Variants in DOCK10 observed in about 807,000 individuals in gnomAD.
The protein encoded by DOCK10 is dedicator of cytokinesis protein 10.
Under a neutral mutation model 280.1 loss-of-function variants are expected in DOCK10, and 145 were observed. The ratio of observed to expected loss-of-function variants is 0.52; its 90% CI spans 0.45 to 0.59. DOCK10 has a LOEUF of 0.59. Among genes scored for constraint, DOCK10 ranks in the 20% least tolerant of loss-of-function variants. The pLI is 0.00. For synonymous variants in DOCK10, 915 were observed against 942.2 expected (o/e 0.97, Z 0.53); for missense variants, 2,368 against 2,651.7 (o/e 0.89, Z 2.35).
At chr2:224,990,317 C>T (rs552046019) in intron 1 of DOCK10, among the ~76,000 whole-genome samples, 7 of 152,256 alleles carry the variant, frequency 4.6e-5, no homozygotes, top group South Asian at 4.2e-4. Context: ...TAGTATAGTG[C>T]GGCACTTAGG....
At chr2:225,033,937 C>G (rs1690154190) in intron 1 of DOCK10, among the ~76,000 whole-genome samples, 1 of 152,168 alleles carries the variant, frequency 6.6e-6, no homozygotes, top group Admixed American at 6.5e-5. Flanking sequence ...GTTTGCAAAG[C>G]TTAACTCACT....
intron 4 of DOCK10, among the ~76,000 whole-genome samples, chr2:224,888,219 C>CTGTGTGTG (rs113299591): frequency 4.3e-5 from 6 of 140,176 alleles, no homozygotes; most frequent in Non-Finnish European, 6.3e-5. Context: ...TAATATAGGC[C>CTGTGTGTG]TGTGTGTGTG....
chr2:224,915,683 C>CTTA (rs1446439737), intron 3 of DOCK10, among the ~76,000 whole-genome samples: 1 of 152,190 alleles, frequency 6.6e-6, no homozygotes, highest in Non-Finnish European at 1.5e-5. Flanking sequence ...CAAGACTGAA[C>CTTA]TTAGATTCCA....
At chr2:225,023,281 C>T (rs1449825054) in intron 1 of DOCK10, among the ~76,000 whole-genome samples, 1 of 152,098 alleles carries the variant, frequency 6.6e-6, no homozygotes, top group African/African-American at 2.4e-5. Context: ...GGTGATCTGC[C>T]CATCTTGGCC....
intron 1 of DOCK10, among the ~76,000 whole-genome samples, chr2:224,955,553 A>G (rs1357522625): frequency 6.6e-6 from 1 of 152,212 alleles, no homozygotes; most frequent in Non-Finnish European, 1.5e-5. Context: ...ATTTAATGGC[A>G]CCGTAATGCA....
At chr2:224,766,305 A>C (rs1690077102) in intron 55 of DOCK10, among the ~76,000 whole-genome samples, 1 of 152,218 alleles carries the variant, frequency 6.6e-6, no homozygotes, top group African/African-American at 2.4e-5. Context: ...TGATTCAAAC[A>C]ATGACGTGTA....
At chr2:225,001,995 C>T (rs866130120) in intron 1 of DOCK10, among the ~76,000 whole-genome samples, 1 of 152,114 alleles carries the variant, frequency 6.6e-6, no homozygotes, top group African/African-American at 2.4e-5. Flanking sequence ...GATGGTAAGG[C>T]GACACACATA....
At chr2:225,019,605 T>C (rs1407452847) in intron 1 of DOCK10, among the ~76,000 whole-genome samples, 1 of 152,154 alleles carries the variant, frequency 6.6e-6, no homozygotes, top group African/African-American at 2.4e-5. Context: ...CAATGCCTAC[T>C]ATTTTCTCTA....
rs377753526 is a variant in DOCK10, at chr2:224,867,182, G to A, written c.1258-2095C>T. On this transcript the variant is annotated intron_variant, in intron 11 of 55. Coordinates refer to ENST00000258390, the MANE Select transcript of DOCK10 (RefSeq NM_014689.3). Reference sequence around the variant, plus strand: ...AGTTCATGTTTATACCTCTGCTTCCGATACAAACACTCAAGGGTTCATTCT... The same window carrying A: ...AGTTCATGTTTATACCTCTGCTTCCAATACAAACACTCAAGGGTTCATTCT... Among the ~76,000 whole-genome samples the A allele has an allele frequency of 3.3e-5, 5 of 152,024 alleles. 1 individual carries two copies. In the South Asian group the frequency reaches 8.3e-4, roughly 25 times the overall value.
At chr2:225,017,366 G>C (rs866173607) in intron 1 of DOCK10, among the ~76,000 whole-genome samples, 1 of 152,006 alleles carries the variant, frequency 6.6e-6, no homozygotes, top group Middle Eastern at 3.4e-3. Context: ...ATTATAAGGA[G>C]AGAAATAGAA....
Position 224,896,310 on chromosome 2 carries a change from A to G in DOCK10, c.401T>C (p.Ile134Thr). The G allele has an allele frequency of 6.2e-7, 1 of 1,601,466 alleles. No individual in the cohort carries two copies. Among genetic ancestry groups the G allele is most frequent in the South Asian group, 1.1e-5 (1 of 89,564 alleles). The change falls in exon 4 of 56, where the codon ATT becomes ACT. Residue 134 changes from isoleucine to threonine, a missense_variant. Transcript: ENST00000258390. ...AGGTTCTTACCGGGGTAGCTGTCGA[A>G]TGTCTCCAGAATATTGTTCATATTT... ...NYKYEQYSGDIRQLPRAEYKP... is the reference protein window; with the variant it reads ...NYKYEQYSGDTRQLPRAEYKP...
At chr2:224,774,472 C>T (rs1053373774) in intron 52 of DOCK10, among the ~76,000 whole-genome samples, 2 of 152,166 alleles carry the variant, frequency 1.3e-5, no homozygotes, top group African/African-American at 2.4e-5. Context: ...GAGAGCACAT[C>T]GAGGGATATT....
intron 11 of DOCK10, among the ~76,000 whole-genome samples, chr2:224,872,205 A>G (rs1698332044): frequency 6.6e-6 from 1 of 152,224 alleles, no homozygotes; most frequent in Non-Finnish European, 1.5e-5. Flanking sequence ...ACAAATATCA[A>G]TAACTTGCAT....
At position 224,961,175 on chromosome 2, in the gene DOCK10, T is replaced by C. The variant is rs1018704367; in HGVS notation, c.124-29507A>G. ...TAGCATCCTCTCTTGTCAATATCAGTGTTTCCCCAACTGTATTCTAGAGCT... is the reference window on the plus strand; with the variant it reads ...TAGCATCCTCTCTTGTCAATATCAGCGTTTCCCCAACTGTATTCTAGAGCT... On this transcript the variant is annotated intron_variant, in intron 1 of 55. Transcript: ENST00000258390. Among the ~76,000 whole-genome samples, 6 of 152,332 alleles carry C rather than the reference T, an allele frequency of 3.9e-5. No individual in the cohort carries two copies. In the South Asian group the frequency reaches 1.2e-3, roughly 32 times the overall value.
chr2:224,839,486 T>C (rs6746867), intron 24 of DOCK10, among the ~76,000 whole-genome samples: 45,244 of 152,058 alleles, frequency 0.3, 7,983 homozygotes, highest in African/African-American at 0.49. Flanking sequence ...ATTAAACATA[T>C]GTGGTGCATC....
At chr2:224,903,685 A>G (rs181810447) in intron 3 of DOCK10, among the ~76,000 whole-genome samples, 1 of 152,268 alleles carries the variant, frequency 6.6e-6, no homozygotes, top group Admixed American at 6.5e-5. Flanking sequence ...TTTCAGTGCA[A>G]TTGAAATTTT....
intron 3 of DOCK10, among the ~76,000 whole-genome samples, chr2:224,897,089 G>C (rs1363885969): frequency 6.6e-6 from 1 of 152,108 alleles, no homozygotes; most frequent in Admixed American, 6.5e-5. Context: ...TTATATAAGA[G>C]CCTTTTGTCA....
chr2:224,801,683 G>GT (rs1317334733), intron 40 of DOCK10, among the ~76,000 whole-genome samples: 1 of 152,094 alleles, frequency 6.6e-6, no homozygotes, highest in African/African-American at 2.4e-5. Flanking sequence ...AAAGTAACTT[G>GT]TTTCCAAGGG....
intron 1 of DOCK10, among the ~76,000 whole-genome samples, chr2:224,939,763 G>A (rs747011329): frequency 1.3e-5 from 2 of 152,172 alleles, no homozygotes; most frequent in Non-Finnish European, 2.9e-5. Flanking sequence ...GTCAAGTGTT[G>A]TACACGCACA....
Sources: allele counts gnomAD v4.1 joint callset (sites outside exome capture counted in the v4.1 genomes callset), GRCh38; gene constraint gnomAD v4.1.1; transcripts MANE v1.5; gene names NCBI Gene and HGNC (gene_info 2026-07-23, HGNC 2026-07-21).